Variants in JAK2 observed in about 807,000 individuals in gnomAD.
JAK2 encodes tyrosine-protein kinase JAK2.
In JAK2, 86 loss-of-function variants were observed where a neutral mutation model predicts 139.3. The observed-to-expected ratio is 0.62, with a 90% CI of 0.52 to 0.74. The LOEUF is 0.74. JAK2 is among the 30% of genes least tolerant of loss of function. JAK2 has a pLI of 0.00. For synonymous variants in JAK2, 490 were observed against 437.7 expected, an observed-to-expected ratio of 1.12 and a Z score of -1.49; for missense variants, 1,421 against 1,360.3, an observed-to-expected ratio of 1.04 and a Z score of -0.70.
chr9:5,016,543 T>A (rs1822071653), intron 2 of JAK2, among the ~76,000 whole-genome samples: 1 of 152,192 alleles, frequency 6.6e-6, no homozygotes, highest in African/African-American at 2.4e-5. Context: ...TGATAAAATT[T>A]AAAAATGTAA....
intron 4 of JAK2, among the ~76,000 whole-genome samples, chr9:5,034,597 C>G (rs1198668965): frequency 1.3e-5 from 2 of 152,010 alleles, no homozygotes; most frequent in East Asian, 3.8e-4. Context: ...CTCAAAACCA[C>G]TCAACTACAT....
Position 5,077,581 on chromosome 9 carries a change from GT to G in JAK2, c.1992+2del. On this transcript the variant is annotated splice_donor_variant, in intron 15 of 24. Coordinates refer to ENST00000381652, the MANE Select transcript of JAK2 (RefSeq NM_004972.4). LOFTEE classifies it high-confidence loss of function. ...GTTGGCATGGGCCATGCATTTTCTAGTAAGTAGTACAACCTTTTTATCAAAA... is the reference window on the plus strand; with the variant it reads ...GTTGGCATGGGCCATGCATTTTCTAGAAGTAGTACAACCTTTTTATCAAAA... 6.8e-7 allele frequency: 1 copy of G among 1,473,648 alleles called. No individual in the cohort carries two copies. Among genetic ancestry groups the G allele is most frequent in the Non-Finnish European group, 9.0e-7 (1 of 1,111,662 alleles). The allele number at this position is 1,473,648 out of a possible 1,614,324, so 91.3% of individuals were successfully genotyped here. A position where few individuals can be genotyped will look rare whatever the true frequency, so the allele number is the denominator to read the frequency against.
In JAK2 at chr9:5,012,600, A is replaced by G. The variant is rs188159871; in HGVS notation, c.-25-9363A>G. On this transcript the variant is annotated intron_variant, in intron 2 of 24. Coordinates refer to ENST00000381652, the MANE Select transcript of JAK2 (RefSeq NM_004972.4). ...ATCCCGAAATTATACCGTATGTATA[A>G]TAAAATAATTATTTTGTTATTTTTA... is the stretch of plus-strand genomic sequence containing the variant. 3.5e-4 allele frequency among the ~76,000 whole-genome samples: 54 copies of G among 152,316 alleles called. 1 individual carries two copies. The East Asian group carries it at 8.7e-3, about 24-fold the overall frequency.
chr9:5,094,390 C>G (rs1041057458), intron 22 of JAK2: 1 of 152,104 alleles, frequency 6.6e-6, no homozygotes, highest in Non-Finnish European at 1.5e-5. Flanking sequence ...CTTATTTATT[C>G]TAGCCACATC....
chr9:5,081,923 C>T (rs181512587), intron 19 of JAK2, 62 bp downstream of exon 19: 11 of 1,367,572 alleles, frequency 8.0e-6, no homozygotes, highest in Middle Eastern at 1.8e-4. Flanking sequence ...AACTTAAGAG[C>T]GTTTCTAAAG....
Position 5,065,027 on chromosome 9 carries a change from C to T in JAK2, c.1201C>T (p.His401Tyr), listed in dbSNP as rs2130493719. The T allele has an allele frequency of 6.3e-7, 1 of 1,587,498 alleles. No homozygotes were observed. Among genetic ancestry groups the T allele is most frequent in the East Asian group, 2.3e-5 (1 of 43,934 alleles). The change falls in exon 9 of 25, where the codon CAT (histidine) becomes TAT (tyrosine). Residue 401 changes from histidine to tyrosine, a missense_variant. Coordinates refer to ENST00000381652, the MANE Select transcript of JAK2 (RefSeq NM_004972.4). ...GCTTGAAAATATACAAAGCAACTGTCATGGCCCAATTTCGTGAGTAATACA... is the reference window on the plus strand; with the variant it reads ...GCTTGAAAATATACAAAGCAACTGTTATGGCCCAATTTCGTGAGTAATACA... ...AVLENIQSNC[H>Y]GPISMDFAIS...
chr9:5,064,401 A>T (rs1326758387), intron 8 of JAK2, among the ~76,000 whole-genome samples: 3 of 151,238 alleles, frequency 2.0e-5, no homozygotes, highest in Non-Finnish European at 2.9e-5. Context: ...ATGGCGGCAT[A>T]TGCCTGTAAT....
At position 5,080,090 on chromosome 9, in the gene JAK2, C is replaced by G. The variant is rs1819580857; in HGVS notation, c.2132-139C>G. On this transcript the variant is annotated intron_variant, in intron 16 of 24. Transcript: ENST00000381652. ...GTTCTTAAGCTTATGCAGTCATGTGCATGTGCACATCCAACCCCTCCAAAA... is the reference window on the plus strand; with the variant it reads ...GTTCTTAAGCTTATGCAGTCATGTGGATGTGCACATCCAACCCCTCCAAAA... 9 of 595,126 alleles carry G rather than the reference C, an allele frequency of 1.5e-5. No individual in the cohort carries two copies. In the East Asian group the frequency reaches 1.6e-4, roughly 11 times the overall value. The allele number at this position is 595,126 out of a possible 1,614,324, so 36.9% of individuals were successfully genotyped here.
chr9:5,108,502 T>TTA (rs953739187), intron 22 of JAK2: 2 of 152,122 alleles, frequency 1.3e-5, no homozygotes, highest in Non-Finnish European at 2.9e-5. Context: ...TCCAATAATC[T>TTA]TATATGACTA....
intron 22 of JAK2, chr9:5,097,372 C>G (rs930790869): frequency 1.7e-4 from 26 of 152,168 alleles, no homozygotes; most frequent in African/African-American, 6.3e-4. Context: ...ATTCTTTGGT[C>G]ACCCTGAAGT....
At chr9:4,990,493 G>A (rs749956047) in intron 2 of JAK2, among the ~76,000 whole-genome samples, 1 of 152,146 alleles carries the variant, frequency 6.6e-6, no homozygotes, top group Non-Finnish European at 1.5e-5. Context: ...TGGGACATAT[G>A]ACTAGAATTT....
chr9:5,101,036 G>C (rs1821439888), intron 22 of JAK2: 1 of 152,300 alleles, frequency 6.6e-6, no homozygotes, highest in African/African-American at 2.4e-5. Context: ...TGGTTGGACA[G>C]GGGGTGCAGC....
chr9:5,077,596 T>A lies in JAK2; in HGVS notation c.1992+16T>A, dbSNP rs1819390705. On this transcript the variant is annotated intron_variant, in intron 15 of 24. Transcript: ENST00000381652. ...GCATTTTCTAGTAAGTAGTACAACCTTTTTATCAAAAGATACTATTTTATT... is the reference window on the plus strand; with the variant it reads ...GCATTTTCTAGTAAGTAGTACAACCATTTTATCAAAAGATACTATTTTATT... The A allele has an allele frequency of 1.4e-6, 2 of 1,444,574 alleles. No homozygotes were observed. The highest frequency in any genetic ancestry group is 2.7e-5 in the Admixed American group (1 of 36,934). The allele number at this position is 1,444,574 out of a possible 1,614,324, so 89.5% of individuals were successfully genotyped here.
At chr9:5,123,186 G>T (rs77768782) in intron 23 of JAK2, 65 bp downstream of exon 23, 2 of 1,118,404 alleles carry the variant, frequency 1.8e-6, no homozygotes, top group South Asian at 1.4e-5. Flanking sequence ...AAATTTATGG[G>T]GTACAAGTAC....
At chr9:5,082,888 A>G (rs1426494021) in intron 19 of JAK2, among the ~76,000 whole-genome samples, 1 of 152,262 alleles carries the variant, frequency 6.6e-6, no homozygotes, top group African/African-American at 2.4e-5. Context: ...ACAGATTAAC[A>G]GCATCTCAGG....
At chr9:5,069,826 A>ATT (rs1047029659) in intron 11 of JAK2, 99 bp from the exon 12 acceptor site, 7 of 615,934 alleles carry the variant, frequency 1.1e-5, no homozygotes, top group African/African-American at 1.9e-5. Context: ...GTTATTAAGC[A>ATT]TTTCTTATAC....
At chr9:4,994,756 C>A (rs1226255277) in intron 2 of JAK2, among the ~76,000 whole-genome samples, 1 of 152,176 alleles carries the variant, frequency 6.6e-6, no homozygotes, top group Non-Finnish European at 1.5e-5. Flanking sequence ...CAATTTAAAT[C>A]ATTACTTGAC....
At chr9:5,071,301 T>G (rs1378705758) in intron 12 of JAK2, among the ~76,000 whole-genome samples, 2 of 151,924 alleles carry the variant, frequency 1.3e-5, no homozygotes, top group Admixed American at 6.6e-5. Context: ...TACAAGGAAA[T>G]AATGCAGGAT....
intron 14 of JAK2, among the ~76,000 whole-genome samples, chr9:5,075,865 T>C (rs375743227): frequency 1.3e-5 from 2 of 152,124 alleles, no homozygotes. Flanking sequence ...GAAAAACTTA[T>C]GGAAAGGATT....
Sources: gnomAD v4.1 joint callset for allele counts (sites outside exome capture counted in the v4.1 genomes callset) on GRCh38, gnomAD v4.1.1 for gene constraint, MANE v1.5 for transcripts, NCBI Gene and HGNC (gene_info 2026-07-23, HGNC 2026-07-21) for gene names.